The following PIGF variants were observed in gnomAD, a reference collection of about 807,000 sequenced individuals.
The protein encoded by PIGF is phosphatidylinositol glycan anchor biosynthesis class F.
A neutral mutation model predicts 26.0 loss-of-function variants in PIGF; 23 were observed. The observed-to-expected ratio is 0.88, with a 90% confidence interval of 0.64 to 1.25. The LOEUF (loss-of-function observed/expected upper bound fraction) is 1.25, where lower values mean the gene tolerates loss of function less well. Among genes scored for constraint, PIGF ranks in the 50% most tolerant of loss-of-function variants. The pLI is 0.00. For missense variants in PIGF, 278 were observed against 249.9 expected (o/e 1.11, Z -0.76); for synonymous variants, 93 against 92.6 (o/e 1.00, Z -0.03).
chr2:46,614,785 C>G (rs2104150152), intron 2 of PIGF, 152 bp downstream of exon 2: 2 of 564,958 alleles, frequency 3.5e-6, no homozygotes, highest in South Asian at 4.4e-5. Flanking sequence ...CAGCCTTCCA[C>G]CAAGTAACAG....
In PIGF at chr2:46,589,958, A is replaced by G. The variant is rs1267064522; in HGVS notation, c.546+2517T>C. Among the ~76,000 whole-genome samples, 1 of 152,090 alleles carries G rather than the reference A, an allele frequency of 6.6e-6. No individual in the cohort carries two copies. The highest frequency in any genetic ancestry group is 2.4e-5 in the African/African-American group (1 of 41,456). ...CAGATGAGTGCTATATGAATAAAAG[A>G]TTTTTAATTATACATCAATTCTATC... On this transcript the variant is annotated intron_variant, in intron 5 of 5. Transcript: ENST00000281382. This position sits in a 1 kb window ranked among gnomAD's most constrained non-coding sequence, Gnocchi z 4.7.
At chr2:46,598,029 T>C (rs1669942118) in intron 4 of PIGF, among the ~76,000 whole-genome samples, 1 of 152,304 alleles carries the variant, frequency 6.6e-6, no homozygotes, top group African/African-American at 2.4e-5. Context: ...TCTTGCTAGG[T>C]ATACTATTAT....
chr2:46,612,741 G>C (rs1333869867), intron 3 of PIGF, among the ~76,000 whole-genome samples: 1 of 152,108 alleles, frequency 6.6e-6, no homozygotes, highest in East Asian at 1.9e-4. Flanking sequence ...ACTAGTTGTA[G>C]TGGTTCTCTA....
At chr2:46,613,934 G>T in intron 2 of PIGF, 149 bp from the exon 3 acceptor site, 1 of 651,162 alleles carries the variant, frequency 1.5e-6, no homozygotes, top group Non-Finnish European at 2.6e-6. Context: ...CACATGTCCT[G>T]TACCGTCACA....
chr2:46,603,953 A>C (rs1353032650), intron 4 of PIGF, among the ~76,000 whole-genome samples: 2 of 152,094 alleles, frequency 1.3e-5, no homozygotes, highest in African/African-American at 2.4e-5. Context: ...TTTCCAATCT[A>C]TCTATCTAAC....
At position 46,617,008 on chromosome 2, in the gene PIGF, T is replaced by C. The variant is rs563782489; in HGVS notation, c.-60A>G. ...CCGCGGAAGGGAAGCGGGGAACTAC[T>C]GCCTCCTACCATCAGGTACGACGGG... On this transcript the variant is annotated 5_prime_UTR_variant, in exon 1 of 6. Coordinates refer to ENST00000281382, the MANE Select transcript of PIGF (RefSeq NM_002643.4). 1.8e-5 allele frequency: 10 copies of C among 571,186 alleles called. No individual in the cohort carries two copies. The highest frequency in any genetic ancestry group is 6.4e-5 in the Admixed American group (2 of 31,014). 35.4% of individuals were successfully genotyped at this position (571,186 alleles called of 1,614,324 possible). A position where few individuals can be genotyped will look rare whatever the true frequency, so the allele number is the denominator to read the frequency against.
At chr2:46,605,392 T>TGA (rs1189241473) in intron 4 of PIGF, among the ~76,000 whole-genome samples, 1 of 152,112 alleles carries the variant, frequency 6.6e-6, no homozygotes. Flanking sequence ...CCTCCATAGT[T>TGA]ATCTATGCAC....
intron 4 of PIGF, among the ~76,000 whole-genome samples, chr2:46,606,431 T>C (rs956807117): frequency 6.6e-6 from 1 of 152,320 alleles, no homozygotes; most frequent in Admixed American, 6.5e-5. Flanking sequence ...GGGGTTTTTT[T>C]CTGTTTTTAT....
intron 4 of PIGF, among the ~76,000 whole-genome samples, chr2:46,606,886 T>G (rs1176144434): frequency 6.6e-6 from 1 of 152,148 alleles, no homozygotes; most frequent in Non-Finnish European, 1.5e-5. Context: ...TAAACAAAAT[T>G]TGATATATAT....
chr2:46,613,856 T>C, intron 2 of PIGF, 71 bp from the exon 3 acceptor site: 1 of 1,287,506 alleles, frequency 7.8e-7, no homozygotes, highest in Non-Finnish European at 1.1e-6. Context: ...CCATTTCATC[T>C]ACAAACACAA....
chr2:46,593,081 C>A (rs1008381851), intron 4 of PIGF, among the ~76,000 whole-genome samples: 1 of 151,236 alleles, frequency 6.6e-6, no homozygotes, highest in East Asian at 1.9e-4. Flanking sequence ...TTGTTAACAG[C>A]TGTAACAGTA....
chr2:46,595,978 G>A (rs902118097), intron 4 of PIGF, among the ~76,000 whole-genome samples: 17 of 152,104 alleles, frequency 1.1e-4, no homozygotes, highest in African/African-American at 1.2e-4. Context: ...ACTTCAGGAC[G>A]CAGAGGCGGG....
chr2:46,606,936 A>C (rs1281231565), intron 4 of PIGF, among the ~76,000 whole-genome samples: 2 of 152,242 alleles, frequency 1.3e-5, no homozygotes, highest in Non-Finnish European at 2.9e-5. Flanking sequence ...AAAGGAATGA[A>C]GTACTGAAGC....
chr2:46,593,998 G>A (rs1323542200), intron 4 of PIGF, among the ~76,000 whole-genome samples: 1 of 152,164 alleles, frequency 6.6e-6, no homozygotes, highest in African/African-American at 2.4e-5. Flanking sequence ...AGAACGGGCT[G>A]GAGCCAATCA....
chr2:46,582,567 A>T (rs1403258310), intron 5 of PIGF: 4 of 152,378 alleles, frequency 2.6e-5, no homozygotes, highest in African/African-American at 9.7e-5. Flanking sequence ...TAGAGAAACA[A>T]TCTCATCACA....
chr2:46,602,371 A>G (rs1670087613), intron 4 of PIGF, among the ~76,000 whole-genome samples: 1 of 151,956 alleles, frequency 6.6e-6, no homozygotes. Flanking sequence ...TCACATGACT[A>G]TCATGTGTTC....
chr2:46,592,075 G>T (rs1669737781), intron 5 of PIGF: 1 of 810,260 alleles, frequency 1.2e-6, no homozygotes, highest in Non-Finnish European at 1.7e-6. Flanking sequence ...ATACTGGCTG[G>T]GCTCGGTGGC....
rs184864102 is a variant in PIGF, at chr2:46,610,387, A to G, written c.437+1841T>C. ...CAATTTCACTATTTAAAAATTTCAA[A>G]CTAAAAGGCTAAAAGCAATTAATAC... On this transcript the variant is annotated intron_variant, in intron 4 of 5. Coordinates refer to ENST00000281382, the MANE Select transcript of PIGF (RefSeq NM_002643.4). Among the ~76,000 whole-genome samples, 31 of 152,334 alleles carry G rather than the reference A, an allele frequency of 2.0e-4. No homozygotes were observed. The East Asian group carries it at 5.2e-3, about 26-fold the overall frequency.
intron 4 of PIGF, among the ~76,000 whole-genome samples, chr2:46,594,734 C>T (rs1669828033): frequency 6.6e-6 from 1 of 151,806 alleles, no homozygotes; most frequent in Admixed American, 6.6e-5. Context: ...TGGGGTTTCA[C>T]CATGTTGGCC....
Sources: gnomAD v4.1 joint callset for allele counts (sites outside exome capture counted in the v4.1 genomes callset) on GRCh38, gnomAD v4.1.1 for gene constraint, Gnocchi (gnomAD v3.1) non-coding constraint, MANE v1.5 for transcripts, NCBI Gene and HGNC (gene_info 2026-07-23, HGNC 2026-07-21) for gene names.